FBXL20: variants seen among roughly 807,000 people sequenced by gnomAD.
The protein encoded by FBXL20 is F-box/LRR-repeat protein 20.
FBXL20 carries 11 observed loss-of-function variants against 64.0 expected under a neutral mutation model. The ratio of observed to expected loss-of-function variants is 0.17; its 90% CI spans 0.11 to 0.28. The LOEUF is 0.28. Ranked by LOEUF, FBXL20 falls within the 10% of genes least tolerant of loss-of-function variation. FBXL20 has a pLI of 1.00. For missense variants in FBXL20, 303 were observed against 526.2 expected (o/e 0.58, Z 4.15); for synonymous variants, 184 against 189.0 (o/e 0.97, Z 0.22).
chr17:39,303,842 A>G (rs1243494364), intron 2 of FBXL20, among the ~76,000 whole-genome samples: 1 of 152,110 alleles, frequency 6.6e-6, no homozygotes, highest in East Asian at 1.9e-4. Flanking sequence ...GCGTGCCACC[A>G]TACCTGGCTA....
chr17:39,282,902 CAAA>C, intron 7 of FBXL20, 47 bp from the exon 8 acceptor site: 5 of 1,602,528 alleles, frequency 3.1e-6, no homozygotes, highest in Non-Finnish European at 3.4e-6. Flanking sequence ...AATCCAATTC[CAAA>C]AACACCAACG....
At chr17:39,315,676 G>A (rs2047280662) in intron 2 of FBXL20, among the ~76,000 whole-genome samples, 1 of 151,930 alleles carries the variant, frequency 6.6e-6, no homozygotes, top group African/African-American at 2.4e-5. Context: ...AAAGTAAGGT[G>A]AGAAGGGCAT....
chr17:39,359,482 G>C (rs9894500), intron 1 of FBXL20, among the ~76,000 whole-genome samples: 48,220 of 151,928 alleles, frequency 0.32, 8,539 homozygotes, highest in African/African-American at 0.48. Flanking sequence ...AATTAGCCAG[G>C]CGTGGTAGCA....
chr17:39,323,703 T>C (rs976938503), intron 2 of FBXL20, among the ~76,000 whole-genome samples: 2 of 152,054 alleles, frequency 1.3e-5, no homozygotes, highest in African/African-American at 4.8e-5. Flanking sequence ...CACCGACCAT[T>C]CCCTACTTAT....
intron 14 of FBXL20, among the ~76,000 whole-genome samples, chr17:39,262,304 T>C (rs1351542017): frequency 1.3e-5 from 2 of 152,078 alleles, no homozygotes; most frequent in African/African-American, 2.4e-5. Flanking sequence ...TTTTTTGAGA[T>C]AGAGTTTCAT....
At chr17:39,396,199 C>A (rs527502388) in intron 1 of FBXL20, among the ~76,000 whole-genome samples, 16 of 151,652 alleles carry the variant, frequency 1.1e-4, no homozygotes, top group African/African-American at 3.6e-4. Context: ...TGCTTTTATT[C>A]AAAAAGCACA....
At chr17:39,278,688 C>T (rs117145284) in intron 9 of FBXL20, among the ~76,000 whole-genome samples, 403 of 151,112 alleles carry the variant, frequency 2.7e-3, no homozygotes, top group Admixed American at 6.0e-3. Context: ...CCTGGGATTA[C>T]GGGCACACAC....
chr17:39,334,243 TG>T (rs1167427199), intron 2 of FBXL20, among the ~76,000 whole-genome samples: 1 of 152,170 alleles, frequency 6.6e-6, no homozygotes, highest in African/African-American at 2.4e-5. Flanking sequence ...GTGCAAGATG[TG>T]CTTTGTTAAA....
At chr17:39,342,642 A>G (rs1214451829) in intron 2 of FBXL20, among the ~76,000 whole-genome samples, 3 of 152,118 alleles carry the variant, frequency 2.0e-5, no homozygotes. Flanking sequence ...GCGTGAACCC[A>G]GGAGGCAGAG....
Position 39,401,543 on chromosome 17 carries a change from A to C in FBXL20, c.-141T>G. ...CGGGACCGTGGGACGGGAACAAGAG[A>C]CCTCTCGGCTCCGGCTAGGCCTCCA... On this transcript the variant is annotated 5_prime_UTR_variant, in exon 1 of 15. Coordinates refer to ENST00000264658, the MANE Select transcript of FBXL20 (RefSeq NM_032875.3). The C allele has an allele frequency of 1.4e-6, 2 of 1,429,712 alleles. No homozygotes were observed. The highest frequency in any genetic ancestry group is 2.9e-5 in the Admixed American group (1 of 34,026). 88.6% of individuals were successfully genotyped at this position (1,429,712 alleles called of 1,614,324 possible).
At chr17:39,311,836 C>A (rs1482751995) in intron 2 of FBXL20, among the ~76,000 whole-genome samples, 3 of 152,092 alleles carry the variant, frequency 2.0e-5, no homozygotes, top group African/African-American at 7.2e-5. Flanking sequence ...GCTTTACAAG[C>A]AATGATCCTA....
intron 1 of FBXL20, among the ~76,000 whole-genome samples, chr17:39,389,344 T>C (rs1177930610): frequency 1.3e-5 from 2 of 152,154 alleles, no homozygotes; most frequent in African/African-American, 2.4e-5. Context: ...AAATAAGTTG[T>C]GATATGATTT....
intron 7 of FBXL20, among the ~76,000 whole-genome samples, chr17:39,283,379 T>C (rs2046963666): frequency 3.3e-5 from 5 of 152,178 alleles, no homozygotes; most frequent in African/African-American, 1.2e-4. Context: ...GCAGTTCCTT[T>C]GAGTGTCACA....
intron 2 of FBXL20, among the ~76,000 whole-genome samples, chr17:39,331,135 C>G (rs529011904): frequency 4.6e-5 from 7 of 152,222 alleles, no homozygotes; most frequent in Non-Finnish European, 8.8e-5. Flanking sequence ...AAGACAGAGT[C>G]TCGCTCTGCG....
At chr17:39,332,991 T>G (rs542729955) in intron 2 of FBXL20, among the ~76,000 whole-genome samples, 3 of 151,736 alleles carry the variant, frequency 2.0e-5, no homozygotes, top group Non-Finnish European at 4.4e-5. Context: ...TTTTAAGAGA[T>G]AGTGCCTAGC....
intron 13 of FBXL20, 66 bp from the exon 14 acceptor site, chr17:39,264,453 G>A: frequency 6.5e-7 from 1 of 1,540,506 alleles, no homozygotes; most frequent in Non-Finnish European, 8.9e-7. Context: ...CCAGAGGCTT[G>A]TGTGAATTGG....
chr17:39,316,090 C>CA (rs1301820197), intron 2 of FBXL20, among the ~76,000 whole-genome samples: 1 of 151,316 alleles, frequency 6.6e-6, no homozygotes, highest in Non-Finnish European at 1.5e-5. Flanking sequence ...TCTCTAAAAA[C>CA]AAAAAAACAT....
chr17:39,355,726 G>A (rs1254684219), intron 1 of FBXL20, among the ~76,000 whole-genome samples: 2 of 151,640 alleles, frequency 1.3e-5, no homozygotes, highest in African/African-American at 4.8e-5. Flanking sequence ...GTGGTGGCAG[G>A]TGCCTGTAAT....
At chr17:39,395,113 A>G (rs2048170188) in intron 1 of FBXL20, among the ~76,000 whole-genome samples, 1 of 152,196 alleles carries the variant, frequency 6.6e-6, no homozygotes, top group African/African-American at 2.4e-5. Flanking sequence ...CCTAAAACAT[A>G]AGAAGATTTT....
Sources: allele counts gnomAD v4.1 joint callset (sites outside exome capture counted in the v4.1 genomes callset), GRCh38; gene constraint gnomAD v4.1.1; transcripts MANE v1.5; gene names NCBI Gene and HGNC (gene_info 2026-07-23, HGNC 2026-07-21).